The following OSBPL8 variants were observed in gnomAD, a reference collection of about 807,000 sequenced individuals.
The protein encoded by OSBPL8 is oxysterol binding protein like 8.
A neutral mutation model predicts 125.5 loss-of-function variants in OSBPL8; 59 were observed. That is an observed-to-expected ratio of 0.47 (90% CI 0.38 to 0.58). OSBPL8 has a LOEUF of 0.58. OSBPL8 is among the 20% of genes least tolerant of loss of function. OSBPL8 has a pLI of 0.00. For synonymous variants in OSBPL8, 330 were observed against 338.9 expected, an observed-to-expected ratio of 0.97 and a Z score of 0.29; for missense variants, 758 against 1,047.8, an observed-to-expected ratio of 0.72 and a Z score of 3.82.
At chr12:76,437,786 T>C (rs1341420503) in intron 4 of OSBPL8, among the ~76,000 whole-genome samples, 9 of 152,146 alleles carry the variant, frequency 5.9e-5, no homozygotes, top group Admixed American at 5.9e-4. Context: ...ATCGTAAACA[T>C]GGTCTGTTTA....
At position 76,522,208 on chromosome 12, in the gene OSBPL8, T is replaced by C. The variant is rs1882129839; in HGVS notation, c.-67-34590A>G. 1.3e-5 allele frequency among the ~76,000 whole-genome samples: 2 copies of C among 152,072 alleles called. 1 individual carries two copies. Among genetic ancestry groups the C allele is most frequent in the South Asian group, 4.1e-4 (2 of 4,832 alleles). The stretch of plus-strand genomic sequence containing the variant: ...CCTGTCTTTCCTTCTAATAGGTTAA[T>C]CTTTGAAGTAAAATAGACTACAAGG... On this transcript the variant is annotated intron_variant, in intron 1 of 23. Coordinates refer to ENST00000261183, the MANE Select transcript of OSBPL8 (RefSeq NM_020841.5).
At chr12:76,418,195 G>C (rs951032291) in intron 4 of OSBPL8, among the ~76,000 whole-genome samples, 2 of 151,818 alleles carry the variant, frequency 1.3e-5, no homozygotes, top group South Asian at 4.2e-4. Context: ...AGTAGAGATG[G>C]GGTTTCTCCA....
intron 5 of OSBPL8, among the ~76,000 whole-genome samples, chr12:76,409,343 T>C (rs1200636541): frequency 6.6e-6 from 1 of 152,200 alleles, no homozygotes; most frequent in Non-Finnish European, 1.5e-5. Flanking sequence ...CCTTGCTAAA[T>C]TCCCCTCAGT....
chr12:76,380,775 T>C (rs946572507), intron 15 of OSBPL8, among the ~76,000 whole-genome samples: 1 of 152,182 alleles, frequency 6.6e-6, no homozygotes, highest in Non-Finnish European at 1.5e-5. Flanking sequence ...GGACCTCTAA[T>C]ACAATTTTGT....
At chr12:76,495,160 TA>T (rs1438491958) in intron 1 of OSBPL8, among the ~76,000 whole-genome samples, 1 of 152,184 alleles carries the variant, frequency 6.6e-6, no homozygotes, top group Non-Finnish European at 1.5e-5. Flanking sequence ...CTAATTAAAA[TA>T]AAAAGGTCAT....
At chr12:76,454,729 TA>T (rs140485885) in intron 3 of OSBPL8, among the ~76,000 whole-genome samples, 35,898 of 116,960 alleles carry the variant, frequency 0.31, 4,963 homozygotes, top group African/African-American at 0.46. Flanking sequence ...TTTAAAAAAT[TA>T]AAAAAAAAAA....
chr12:76,403,097 GTTATCTT>G (rs1954118705), intron 5 of OSBPL8, among the ~76,000 whole-genome samples: 1 of 150,938 alleles, frequency 6.6e-6, no homozygotes, highest in Non-Finnish European at 1.5e-5. Flanking sequence ...CCAAAGCAAT[GTTATCTT>G]TTAATAGTTG....
At chr12:76,552,517 C>A (rs1950975641) in intron 1 of OSBPL8, among the ~76,000 whole-genome samples, 1 of 150,438 alleles carries the variant, frequency 6.6e-6, no homozygotes, top group Non-Finnish European at 1.5e-5. Flanking sequence ...GCCCTTCCCA[C>A]AACCTCTGTC....
At chr12:76,424,012 G>GT (rs747960476) in intron 4 of OSBPL8, among the ~76,000 whole-genome samples, 62 of 151,584 alleles carry the variant, frequency 4.1e-4, no homozygotes, top group Middle Eastern at 3.4e-3. Context: ...TGTTTTTTGG[G>GT]TTTTTTTTGA....
chr12:76,535,902 A>G (rs1373210573), intron 1 of OSBPL8, among the ~76,000 whole-genome samples: 1 of 152,158 alleles, frequency 6.6e-6, no homozygotes, highest in Non-Finnish European at 1.5e-5. Context: ...TTCAAAGGGC[A>G]CAAGAGAATT....
intron 1 of OSBPL8, among the ~76,000 whole-genome samples, chr12:76,531,595 T>C (rs76590725): frequency 0.029 from 4,343 of 152,216 alleles, 94 homozygotes; most frequent in Non-Finnish European, 0.044. Flanking sequence ...CAGGAAACAA[T>C]TGAAAGCCTT....
At chr12:76,513,257 G>C (rs1314593309) in intron 1 of OSBPL8, among the ~76,000 whole-genome samples, 2 of 151,976 alleles carry the variant, frequency 1.3e-5, no homozygotes, top group Admixed American at 1.3e-4. Context: ...TCTTAGTCTT[G>C]ACTTCTATTT....
intron 1 of OSBPL8, among the ~76,000 whole-genome samples, chr12:76,514,646 G>C (rs956320928): frequency 3.3e-5 from 5 of 152,082 alleles, no homozygotes; most frequent in Non-Finnish European, 2.9e-5. Context: ...TGATCTTCTT[G>C]TATAGAGTCT....
intron 15 of OSBPL8, among the ~76,000 whole-genome samples, chr12:76,382,728 C>A (rs943513841): frequency 6.6e-6 from 1 of 151,990 alleles, no homozygotes; most frequent in Non-Finnish European, 1.5e-5. Context: ...ACTAAAAATA[C>A]AAAAATCAGC....
chr12:76,367,314 T>C (rs1952458509), intron 21 of OSBPL8, among the ~76,000 whole-genome samples: 1 of 152,060 alleles, frequency 6.6e-6, no homozygotes, highest in African/African-American at 2.4e-5. Flanking sequence ...TAACAATTTT[T>C]GACTTAAAGT....
In OSBPL8 at chr12:76,460,448, C is replaced by A. The variant is rs569860653; in HGVS notation, c.43-553G>T. Among the ~76,000 whole-genome samples the A allele has an allele frequency of 4.2e-5, 6 of 142,434 alleles. No homozygotes were observed. The South Asian group carries it at 1.1e-3, about 26-fold the overall frequency. The allele number at this position is 142,434 out of a possible 152,430, so 93.4% of individuals were successfully genotyped here. A position where few individuals can be genotyped will look rare whatever the true frequency, so the allele number is the denominator to read the frequency against. ...TACATGCCAAGCATTGTGTGAAGAGCATCTACAGAGGCATCAACAAAGTAG... is the reference window on the plus strand; with the variant it reads ...TACATGCCAAGCATTGTGTGAAGAGAATCTACAGAGGCATCAACAAAGTAG... On this transcript the variant is annotated intron_variant, in intron 2 of 23. Coordinates refer to ENST00000261183, the MANE Select transcript of OSBPL8 (RefSeq NM_020841.5).
intron 2 of OSBPL8, among the ~76,000 whole-genome samples, chr12:76,478,442 G>C (rs568906380): frequency 6.6e-6 from 1 of 152,206 alleles, no homozygotes; most frequent in South Asian, 2.1e-4. Context: ...AAGAATAATA[G>C]AAACACAAAA....
chr12:76,509,209 C>A (rs1208873392), intron 1 of OSBPL8, among the ~76,000 whole-genome samples: 1 of 152,082 alleles, frequency 6.6e-6, no homozygotes, highest in Non-Finnish European at 1.5e-5. Flanking sequence ...AGATTTGTAG[C>A]CTAGGACCAA....
intron 1 of OSBPL8, among the ~76,000 whole-genome samples, chr12:76,549,851 GC>G: frequency 6.6e-6 from 1 of 152,048 alleles, no homozygotes; most frequent in Middle Eastern, 3.4e-3. Flanking sequence ...CGGAAAGTTT[GC>G]CTCTCATACA....
Sources: allele counts gnomAD v4.1 joint callset (sites outside exome capture counted in the v4.1 genomes callset), GRCh38; gene constraint gnomAD v4.1.1; transcripts MANE v1.5; gene names NCBI Gene and HGNC (gene_info 2026-07-23, HGNC 2026-07-21).